The following POMT2 variants were observed in gnomAD, a reference collection of about 807,000 sequenced individuals.
The protein encoded by POMT2 is protein O-mannosyl-transferase 2.
In POMT2, 75 loss-of-function variants were observed where a neutral mutation model predicts 100.0. The observed-to-expected ratio is 0.75, with a 90% CI of 0.62 to 0.91. The LOEUF (loss-of-function observed/expected upper bound fraction) is 0.91, where lower values mean the gene tolerates loss of function less well. Ranked by LOEUF, POMT2 falls within the 40% of genes least tolerant of loss-of-function variation. The pLI is 0.00. For synonymous variants in POMT2, 378 were observed against 374.1 expected (o/e 1.01, Z -0.12); for missense variants, 940 against 955.1 (o/e 0.98, Z 0.21).
intron 1 of POMT2, among the ~76,000 whole-genome samples, chr14:77,317,926 G>C (rs1031153790): frequency 9.9e-5 from 15 of 152,224 alleles, no homozygotes; most frequent in African/African-American, 3.4e-4. Flanking sequence ...GTTGGGTATA[G>C]TGCTTTTAAA....
intron 5 of POMT2, 116 bp from the exon 6 acceptor site, chr14:77,301,365 G>C: frequency 7.3e-7 from 1 of 1,371,692 alleles, no homozygotes; most frequent in Middle Eastern, 2.5e-4. Context: ...CCCTGTCTTG[G>C]GGGCTCTTAG....
intron 15 of POMT2, 102 bp from the exon 16 acceptor site, chr14:77,280,565 G>C (rs559747080): frequency 5.7e-6 from 9 of 1,583,174 alleles, no homozygotes; most frequent in Non-Finnish European, 7.7e-6. Flanking sequence ...GCGCCGAGCA[G>C]AACCTTCTCT....
At chr14:77,314,111 C>T (rs113788779) in intron 1 of POMT2, among the ~76,000 whole-genome samples, 126 of 152,278 alleles carry the variant, frequency 8.3e-4, no homozygotes, top group African/African-American at 3.0e-3. Flanking sequence ...GACAGTCCTC[C>T]GTGGCTCTCT....
At position 77,306,941 on chromosome 14, in the gene POMT2, T is replaced by G. The variant is rs148485030; in HGVS notation, c.334-500A>C. On this transcript the variant is annotated intron_variant, in intron 2 of 20. Coordinates refer to ENST00000261534, the MANE Select transcript of POMT2 (RefSeq NM_013382.7). ...TCAGACAGAGGAATGCAAAGACAGA[T>G]GCTTTGCCCAGAGGGGAAGAGAAAA... 1.6e-3 allele frequency: 284 copies of G among 182,068 alleles called. 1 individual carries two copies. The highest frequency in any genetic ancestry group is 6.4e-3 in the African/African-American group (268 of 41,842). 11.3% of individuals were successfully genotyped at this position (182,068 alleles called of 1,614,324 possible).
chr14:77,291,235 C>A, intron 10 of POMT2, 79 bp downstream of exon 10: 1 of 1,392,464 alleles, frequency 7.2e-7, no homozygotes, highest in Non-Finnish European at 1.0e-6. Flanking sequence ...CAGGATCATT[C>A]TTTTGCAGGC....
intron 20 of POMT2, among the ~76,000 whole-genome samples, chr14:77,277,935 C>T (rs552681053): frequency 5.3e-5 from 8 of 151,686 alleles, no homozygotes; most frequent in Middle Eastern, 6.8e-3. Context: ...AGAGCTCTTC[C>T]GGCAGGGGGC....
intron 18 of POMT2, 95 bp downstream of exon 18, chr14:77,279,728 A>C: frequency 1.6e-6 from 2 of 1,261,304 alleles, no homozygotes; most frequent in South Asian, 2.5e-5. Flanking sequence ...TGGTAAACGC[A>C]AAGGATGGCC....
chr14:77,318,024 C>T (rs1594809602), intron 1 of POMT2, among the ~76,000 whole-genome samples: 2 of 152,232 alleles, frequency 1.3e-5, no homozygotes, highest in East Asian at 1.9e-4. Flanking sequence ...AGAAGGCCTG[C>T]GTATTGGTAG....
chr14:77,303,001 C>G (rs533730938), intron 4 of POMT2, 58 bp from the exon 5 acceptor site: 1 of 1,277,718 alleles, frequency 7.8e-7, no homozygotes, highest in African/African-American at 1.5e-5. Context: ...CCCCTGAAAA[C>G]CAAGCACCCC....
intron 9 of POMT2, among the ~76,000 whole-genome samples, chr14:77,294,415 C>T (rs1009070625): frequency 4.1e-4 from 62 of 152,262 alleles, no homozygotes; most frequent in African/African-American, 1.4e-3. Flanking sequence ...TCCACCTCCC[C>T]GGTTCAAGTG....
In POMT2 at chr14:77,299,128, G is replaced by A. The variant is rs142275322; in HGVS notation, c.923+327C>T. 2.6e-4 allele frequency among the ~76,000 whole-genome samples: 39 copies of A among 152,270 alleles called. No homozygotes were observed. In the East Asian group the frequency reaches 4.8e-3, roughly 19 times the overall value. On this transcript the variant is annotated intron_variant, in intron 7 of 20. Coordinates refer to ENST00000261534, the MANE Select transcript of POMT2 (RefSeq NM_013382.7). ...TACTCATTAAGTGGGAGCTGTTGCC[G>A]CCGGAGTTACTGTTATTGTTACACT...
At chr14:77,288,382 C>T (rs536829440) in intron 11 of POMT2, among the ~76,000 whole-genome samples, 1 of 152,278 alleles carries the variant, frequency 6.6e-6, no homozygotes, top group East Asian at 1.9e-4. Context: ...TAAGAAGAAG[C>T]TTTGGGAGCT....
At chr14:77,312,445 C>A (rs1199057397) in intron 1 of POMT2, 4 of 182,532 alleles carry the variant, frequency 2.2e-5, no homozygotes, top group South Asian at 2.1e-4. Context: ...AGGCGGATCA[C>A]GAAGTCAGGA....
intron 8 of POMT2, among the ~76,000 whole-genome samples, chr14:77,297,335 T>C (rs997952398): frequency 1.4e-4 from 21 of 152,154 alleles, no homozygotes; most frequent in African/African-American, 5.1e-4. Context: ...TCCTCTTGCA[T>C]TCCCCAGTGA....
rs947855272 is a variant in POMT2 at position 77,275,055 on chromosome 14, T to C, written c.*2321A>G. On this transcript the variant is annotated 3_prime_UTR_variant, in exon 21 of 21. Transcript: ENST00000261534. Reference sequence around the variant, plus strand: ...CTCAAGAAGCTGGCTGGAGGTTGAATTGGCTGACGAACATCTTCTTCCTCC... The same window carrying C: ...CTCAAGAAGCTGGCTGGAGGTTGAACTGGCTGACGAACATCTTCTTCCTCC... 8.5e-5 allele frequency: 13 copies of C among 152,212 alleles called. No homozygotes were observed. The highest frequency in any genetic ancestry group is 8.5e-4 in the Admixed American group (13 of 15,280). 9.4% of individuals were successfully genotyped at this position (152,212 alleles called of 1,614,324 possible). A position where few individuals can be genotyped will look rare whatever the true frequency, so the allele number is the denominator to read the frequency against.
chr14:77,298,349 C>T (rs17105685), intron 8 of POMT2, among the ~76,000 whole-genome samples: 29,349 of 152,170 alleles, frequency 0.19, 3,234 homozygotes, highest in African/African-American at 0.3. Flanking sequence ...CATAGATGAA[C>T]GAATGCAACA....
In POMT2 at chr14:77,306,825, C is replaced by T. The variant is rs533335937; in HGVS notation, c.334-384G>A. On this transcript the variant is annotated intron_variant, in intron 2 of 20. Coordinates refer to ENST00000261534, the MANE Select transcript of POMT2 (RefSeq NM_013382.7). ...CAGAGGCTGATTCCTGGGGAATTGG[C>T]CTTTTGAAAGGAAAGTGAGATTCCA... The T allele has an allele frequency of 2.1e-3, 543 of 256,904 alleles. 3 individuals are homozygous for T. Among genetic ancestry groups the T allele is most frequent in the African/African-American group, 0.011 (506 of 44,302 alleles). 15.9% of individuals were successfully genotyped at this position (256,904 alleles called of 1,614,324 possible). A position where few individuals can be genotyped will look rare whatever the true frequency, so the allele number is the denominator to read the frequency against.
At chr14:77,296,346 C>T (rs887890134) in intron 8 of POMT2, 73 bp from the exon 9 acceptor site, 49 of 1,081,880 alleles carry the variant, frequency 4.5e-5, no homozygotes, top group African/African-American at 1.1e-4. Flanking sequence ...CGAGGAGCCT[C>T]GGAAGCCACA....
In POMT2 at chr14:77,278,850, A is replaced by G. The variant is rs3209079; in HGVS notation, c.1911T>C (p.Leu637=). 6.2e-7 allele frequency: 1 copy of G among 1,613,206 alleles called. No homozygotes were observed. The highest frequency in any genetic ancestry group is 2.2e-5 in the East Asian group (1 of 44,870). Residue 637 remains leucine, a synonymous_variant, in exon 19 of 21, where the codon CTT becomes CTC. Transcript: ENST00000261534. ...CGAGCAGGACCTGGCCGCCTCCTCGAAGCAGGACCTGGGACAACCCTGGGC... is the reference window on the plus strand; with the variant it reads ...CGAGCAGGACCTGGCCGCCTCCTCGGAGCAGGACCTGGGACAACCCTGGGC... ...AEVAGLSQVL[L]RGGGQVLLGW... is the part of the protein sequence containing the mutation.
Sources: gnomAD v4.1 joint callset for allele counts (sites outside exome capture counted in the v4.1 genomes callset) on GRCh38, gnomAD v4.1.1 for gene constraint, MANE v1.5 for transcripts, NCBI Gene and HGNC (gene_info 2026-07-23, HGNC 2026-07-21) for gene names.